Variants in GIGYF1 observed in about 807,000 individuals in gnomAD.
GIGYF1 encodes the protein GRB10-interacting GYF protein 1.
Under a neutral mutation model 147.1 loss-of-function variants are expected in GIGYF1, and 84 were observed. The observed-to-expected ratio is 0.57, with a 90% CI of 0.48 to 0.68. The LOEUF (loss-of-function observed/expected upper bound fraction) is 0.68. Ranked by LOEUF, GIGYF1 falls within the 30% of genes least tolerant of loss-of-function variation. GIGYF1 has a pLI of 0.00. For missense variants in GIGYF1, 1,485 were observed against 1,393.7 expected (o/e 1.07, Z -1.04); for synonymous variants, 752 against 589.5 (o/e 1.28, Z -3.99).
chr7:100,683,796 G>T, intron 19 of GIGYF1, 22 bp downstream of exon 19: 1 of 1,577,056 alleles, frequency 6.3e-7, no homozygotes, highest in Non-Finnish European at 8.6e-7. Flanking sequence ...CCTTGGGGGT[G>T]GGGACCAGTC....
chr7:100,687,280 G>A lies in GIGYF1; in HGVS notation c.482+18C>T, dbSNP rs1182260062. On this transcript the variant is annotated intron_variant, in intron 8 of 26. Transcript: ENST00000678049. The stretch of plus-strand genomic sequence containing the variant: ...CCTGGCCTGCCCGGCTCTGCGCCAT[G>A]CCCCCTCCCCGCCCCACCTGTCATC... 5 of 1,604,960 alleles carry A rather than the reference G, an allele frequency of 3.1e-6. No individual in the cohort carries two copies. The highest frequency in any genetic ancestry group is 2.6e-6 in the Non-Finnish European group (3 of 1,173,344).
At chr7:100,692,758 G>A (rs1391991037) in intron 1 of GIGYF1, among the ~76,000 whole-genome samples, 1 of 152,186 alleles carries the variant, frequency 6.6e-6, no homozygotes, top group Non-Finnish European at 1.5e-5. Context: ...CCAGGCAATG[G>A]CAGGGACACC....
At chr7:100,686,461 G>A (rs1199899824) in intron 10 of GIGYF1, 28 bp from the exon 11 acceptor site, 6 of 1,559,742 alleles carry the variant, frequency 3.8e-6, no homozygotes, top group Non-Finnish European at 5.2e-6. Flanking sequence ...GGGAGAAGAA[G>A]AGTGGGTACC....
intron 13 of GIGYF1, 85 bp downstream of exon 13, chr7:100,685,259 C>T (rs1338809350): frequency 1.3e-6 from 2 of 1,531,768 alleles, no homozygotes; most frequent in Non-Finnish European, 1.8e-6. Context: ...AATGTGAATG[C>T]CCTGTGTGCC....
rs1210063956 is a variant in GIGYF1, at chr7:100,683,915, G to T, written c.1872C>A (p.Gly624=). 1 of 1,555,576 alleles carries T rather than the reference G, an allele frequency of 6.4e-7. No homozygotes were observed. The highest frequency in any genetic ancestry group is 8.7e-7 in the Non-Finnish European group (1 of 1,149,574). ...TCGTCGGGAGCAGGTTCTGGTCCCCGCCTCTGAGGAGCAAATTGTGGATTC... is the reference window on the plus strand; with the variant it reads ...TCGTCGGGAGCAGGTTCTGGTCCCCTCCTCTGAGGAGCAAATTGTGGATTC... ...QQLQALKPPR[G]GDQNLLPTMS... The change falls in exon 19 of 27, where the codon GGC becomes GGA. Residue 624 remains glycine (G), a synonymous_variant. Coordinates refer to ENST00000678049, the MANE Select transcript of GIGYF1 (RefSeq NM_001375765.1).
At chr7:100,687,101 G>A (rs924633147) in intron 8 of GIGYF1, 55 bp from the exon 9 acceptor site, 16 of 1,607,446 alleles carry the variant, frequency 1.0e-5, no homozygotes, top group African/African-American at 9.4e-5. Flanking sequence ...CTGCCACCCT[G>A]TGCAACCGCC....
At chr7:100,692,882 AGCCTAGGTCTG>A (rs2131407112) in intron 1 of GIGYF1, among the ~76,000 whole-genome samples, 1 of 152,336 alleles carries the variant, frequency 6.6e-6, no homozygotes, top group East Asian at 1.9e-4. Context: ...GAGGGTGGCT[AGCCTAGGTCTG>A]CAAAGGGCAC....
chr7:100,681,627 G>C lies in GIGYF1; in HGVS notation c.*92C>G, dbSNP rs981815733. 2.3e-5 allele frequency: 29 copies of C among 1,251,644 alleles called. No individual in the cohort carries two copies. The highest frequency in any genetic ancestry group is 5.3e-5 in the Admixed American group (2 of 37,878). 77.5% of individuals were successfully genotyped at this position (1,251,644 alleles called of 1,614,324 possible). On this transcript the variant is annotated 3_prime_UTR_variant, in exon 27 of 27. Coordinates refer to ENST00000678049, the MANE Select transcript of GIGYF1 (RefSeq NM_001375765.1). ...GGACCCCGCCCCTGCCTCTTCCTGT[G>C]CTCTCTGCGGGGAGCCTGCAGGCTG... is the stretch of plus-strand genomic sequence containing the variant.
Position 100,687,509 on chromosome 7 carries a change from G to A in GIGYF1, c.369C>T (p.Ser123=), listed in dbSNP as rs753597076. The change falls in exon 7 of 27, where the codon AGC becomes AGT. Residue 123 remains serine, a synonymous_variant. Coordinates refer to ENST00000678049, the MANE Select transcript of GIGYF1 (RefSeq NM_001375765.1). ...GTSRGRGSTR[S]RGRGRGDSCF... is the part of the protein sequence containing the mutation. The stretch of plus-strand genomic sequence containing the variant: ...GACACGCCATCACCCCTCTACCTCG[G>A]CTCCGCGTGCTGCCCCTGCCTCGGG... The A allele has an allele frequency of 7.9e-5, 127 of 1,611,010 alleles. No homozygotes were observed. Among genetic ancestry groups the A allele is most frequent in the Non-Finnish European group, 1.0e-4 (122 of 1,178,938 alleles).
rs375818199 is a variant in GIGYF1 at position 100,682,069 on chromosome 7, C to T, written c.2925+3G>A. On this transcript the variant is annotated splice_donor_region_variant and intron_variant, in intron 25 of 26. Transcript: ENST00000678049. ...CCCCAGCTGCTGGTGCCGGCTGCCT[C>T]ACCTGCTGCTGCTGCCGCTGCTGGC... 2.0e-4 allele frequency: 330 copies of T among 1,612,446 alleles called. No homozygotes were observed. Among genetic ancestry groups the T allele is most frequent in the Non-Finnish European group, 2.7e-4 (316 of 1,179,674 alleles).
At chr7:100,692,341 C>A (rs1195299072) in intron 1 of GIGYF1, among the ~76,000 whole-genome samples, 1 of 152,222 alleles carries the variant, frequency 6.6e-6, no homozygotes, top group Non-Finnish European at 1.5e-5. Flanking sequence ...CTCCTGTGAT[C>A]CCTTTTGCCC....
At chr7:100,687,457 CA>C in intron 7 of GIGYF1, 47 bp downstream of exon 7, 1 of 1,607,158 alleles carries the variant, frequency 6.2e-7, no homozygotes, top group Non-Finnish European at 8.5e-7. Context: ...TTCTCGAAGT[CA>C]GGGGCCCAGA....
rs540283502 is a variant in GIGYF1, at chr7:100,683,624, C to T, written c.1978G>A (p.Ala660Thr). Residue 660 changes from alanine (A) to threonine (T), a missense_variant, in exon 20 of 27, where the codon GCC becomes ACC. Coordinates refer to ENST00000678049, the MANE Select transcript of GIGYF1 (RefSeq NM_001375765.1). ...TTAATTGGTATGTCCCAAAGACTGGCCTCACCACCTGCAGGGGGCAGGGGG... is the reference window on the plus strand; with the variant it reads ...TTAATTGGTATGTCCCAAAGACTGGTCTCACCACCTGCAGGGGGCAGGGGG... ...TSASSQSGGE[A>T]SLWDIPINSS... 1.2e-6 allele frequency: 2 copies of T among 1,614,128 alleles called. No individual in the cohort carries two copies. The highest frequency in any genetic ancestry group is 1.3e-5 in the African/African-American group (1 of 75,074).
At chr7:100,683,945 G>T (rs1302812461) in intron 18 of GIGYF1, 27 bp from the exon 19 acceptor site, 1 of 1,561,282 alleles carries the variant, frequency 6.4e-7, no homozygotes, top group Non-Finnish European at 8.7e-7. Context: ...GGATTCTTAG[G>T]ACCCCAAATC....
chr7:100,680,796 A>G lies in GIGYF1; in HGVS notation c.*923T>C, dbSNP rs921814045. On this transcript the variant is annotated 3_prime_UTR_variant, in exon 27 of 27. Coordinates refer to ENST00000678049, the MANE Select transcript of GIGYF1 (RefSeq NM_001375765.1). The stretch of plus-strand genomic sequence containing the variant: ...CCCCCGCCGCTCACAGGGGTGAGGC[A>G]GCTCAGGCAGGGGTGAGGCGGGGGC... 1 of 152,782 alleles carries G rather than the reference A, an allele frequency of 6.5e-6. No individual in the cohort carries two copies. The highest frequency in any genetic ancestry group is 2.4e-5 in the African/African-American group (1 of 41,462). The allele number at this position is 152,782 out of a possible 1,614,324, so 9.5% of individuals were successfully genotyped here. A position where few individuals can be genotyped will look rare whatever the true frequency, so the allele number is the denominator to read the frequency against.
chr7:100,681,701 G>C lies in GIGYF1; in HGVS notation c.*18C>G, dbSNP rs1221260382. ...GGCTGCCCTGGCCTACAGCCCAGGG[G>C]CTGGGGGTCCGGGCTGGTCAGTAGT... On this transcript the variant is annotated 3_prime_UTR_variant, in exon 27 of 27. Coordinates refer to ENST00000678049, the MANE Select transcript of GIGYF1 (RefSeq NM_001375765.1). 2.0e-6 allele frequency: 3 copies of C among 1,537,584 alleles called. No individual in the cohort carries two copies. The highest frequency in any genetic ancestry group is 2.6e-6 in the Non-Finnish European group (3 of 1,142,970).
Position 100,683,144 on chromosome 7 carries a change from G to T in GIGYF1, c.2280C>A (p.Leu760=). 6.3e-7 allele frequency: 1 copy of T among 1,598,686 alleles called. No individual in the cohort carries two copies. ...VPPAPSSPPP[L]WAGLAKQGLS... ...GCCCCTGCTTGGCCAGGCCAGCCCA[G>T]AGTGGGGGCGGGGAGCTGGGTGCGG... Residue 760 remains leucine, a synonymous_variant, in exon 22 of 27, where the codon CTC becomes CTA. Coordinates refer to ENST00000678049, the MANE Select transcript of GIGYF1 (RefSeq NM_001375765.1).
Position 100,685,994 on chromosome 7 carries a change from T to A in GIGYF1, c.1034A>T (p.Glu345Val), listed in dbSNP as rs1193151474. 2.5e-6 allele frequency: 4 copies of A among 1,612,302 alleles called. No individual in the cohort carries two copies. Among genetic ancestry groups the A allele is most frequent in the Non-Finnish European group, 3.4e-6 (4 of 1,179,908 alleles). ...EEEEEPSEGLEEEGPEAGGKE... is the reference protein window; with the variant it reads ...EEEEEPSEGLVEEGPEAGGKE... Reference sequence around the variant, plus strand: ...CTCACCTGCCTCAGGCCCTTCCTCCTCTAGCCCTTCGGAAGGTTCCTCCTC... The same window carrying A: ...CTCACCTGCCTCAGGCCCTTCCTCCACTAGCCCTTCGGAAGGTTCCTCCTC... Residue 345 changes from glutamate (E) to valine (V), a missense_variant, in exon 12 of 27, where the codon GAG (glutamate) becomes GTG (valine). By Grantham distance (121) the Glu-to-Val change is moderately radical. Coordinates refer to ENST00000678049, the MANE Select transcript of GIGYF1 (RefSeq NM_001375765.1).
At chr7:100,684,388 TG>T in intron 16 of GIGYF1, 51 bp from the exon 17 acceptor site, 1 of 1,601,998 alleles carries the variant, frequency 6.2e-7, no homozygotes. Context: ...GAGGGGACTC[TG>T]CTGGACTCCT....
Sources: allele counts gnomAD v4.1 joint callset (sites outside exome capture counted in the v4.1 genomes callset), GRCh38; gene constraint gnomAD v4.1.1; transcripts MANE v1.5; gene names NCBI Gene and HGNC (gene_info 2026-07-23, HGNC 2026-07-21).